The following NEGR1 variants were observed in gnomAD, a reference collection of about 807,000 sequenced individuals.
NEGR1 encodes neuronal growth regulator 1.
In NEGR1, 10 loss-of-function variants were observed where a neutral mutation model predicts 40.9. The ratio of observed to expected loss-of-function variants is 0.24; its 90% CI spans 0.15 to 0.42. The LOEUF (loss-of-function observed/expected upper bound fraction) is 0.42, where lower values mean the gene tolerates loss of function less well. Among genes scored for constraint, NEGR1 ranks in the 10% least tolerant of loss-of-function variants. The pLI, the probability that NEGR1 is intolerant of heterozygous loss-of-function variation, is 1.00. For missense variants in NEGR1, 352 were observed against 438.9 expected (o/e 0.80, Z 1.77); for synonymous variants, 185 against 166.8 (o/e 1.11, Z -0.84).
chr1:71,907,876 T>C (rs907542411), intron 2 of NEGR1, among the ~76,000 whole-genome samples: 1 of 152,140 alleles, frequency 6.6e-6, no homozygotes, highest in Non-Finnish European at 1.5e-5. Flanking sequence ...CTGGAGGCCA[T>C]TGTCCTAAGC....
chr1:71,492,147 A>G (rs1401489294), intron 6 of NEGR1, among the ~76,000 whole-genome samples: 1 of 152,110 alleles, frequency 6.6e-6, no homozygotes, highest in Non-Finnish European at 1.5e-5. Context: ...TTATTTATAA[A>G]TCACCTAGTT....
intron 1 of NEGR1, among the ~76,000 whole-genome samples, chr1:72,250,343 C>T (rs1655045509): frequency 6.6e-6 from 1 of 152,026 alleles, no homozygotes; most frequent in Admixed American, 6.6e-5. Flanking sequence ...CTACCCTTAC[C>T]TTTCTAGCAT....
At chr1:71,633,824 A>G (rs1480477923) in intron 4 of NEGR1, among the ~76,000 whole-genome samples, 1 of 152,098 alleles carries the variant, frequency 6.6e-6, no homozygotes. Context: ...AGGAAGTTGT[A>G]CAAAAGCACG....
At chr1:71,627,399 T>C (rs1405943607) in intron 4 of NEGR1, among the ~76,000 whole-genome samples, 1 of 152,076 alleles carries the variant, frequency 6.6e-6, no homozygotes, top group Non-Finnish European at 1.5e-5. Flanking sequence ...ATCGGAGTTC[T>C]AGAAAAAATT....
intron 6 of NEGR1, among the ~76,000 whole-genome samples, chr1:71,519,586 G>T (rs930375264): frequency 2.7e-5 from 3 of 110,434 alleles, no homozygotes; most frequent in African/African-American, 1.1e-4. Flanking sequence ...TGGTGGGGTT[G>T]GGGGAGGGGG....
intron 6 of NEGR1, among the ~76,000 whole-genome samples, chr1:71,567,696 T>C (rs371979520): frequency 2.0e-5 from 3 of 152,182 alleles, no homozygotes; most frequent in Non-Finnish European, 4.4e-5. Context: ...ATCAGTGCAA[T>C]ATACACTAAA....
intron 2 of NEGR1, among the ~76,000 whole-genome samples, chr1:71,896,025 T>A (rs1285794808): frequency 6.7e-6 from 1 of 148,962 alleles, no homozygotes; most frequent in East Asian, 2.0e-4. Flanking sequence ...GTCTCGATGA[T>A]AACGTTTAAC....
chr1:72,219,007 C>G (rs1051932442), intron 1 of NEGR1, among the ~76,000 whole-genome samples: 10 of 152,054 alleles, frequency 6.6e-5, no homozygotes, highest in African/African-American at 2.4e-4. Context: ...GCTTCATCTT[C>G]TCCACACAAT....
chr1:72,259,744 A>G (rs533003621), intron 1 of NEGR1, among the ~76,000 whole-genome samples: 1 of 152,218 alleles, frequency 6.6e-6, no homozygotes. Context: ...GATCCTTACA[A>G]GAGTATGAAC....
At chr1:72,266,692 C>A (rs976230774) in intron 1 of NEGR1, among the ~76,000 whole-genome samples, 3 of 140,066 alleles carry the variant, frequency 2.1e-5, no homozygotes, top group Non-Finnish European at 3.1e-5. Context: ...AAAAATGTAC[C>A]AAGTGTGTGT....
intron 6 of NEGR1, among the ~76,000 whole-genome samples, chr1:71,543,137 A>C (rs1449479454): frequency 1.3e-5 from 2 of 151,754 alleles, no homozygotes; most frequent in Admixed American, 6.6e-5. Flanking sequence ...CAGTCTTGGC[A>C]AATGGTAGGT....
At chr1:72,195,690 A>C (rs1570107252) in intron 1 of NEGR1, among the ~76,000 whole-genome samples, 1 of 151,298 alleles carries the variant, frequency 6.6e-6, no homozygotes, top group Non-Finnish European at 1.5e-5. Flanking sequence ...TTATTACTCT[A>C]TATCATATCC....
intron 4 of NEGR1, among the ~76,000 whole-genome samples, chr1:71,677,648 A>T (rs921878783): frequency 1.3e-5 from 2 of 152,122 alleles, no homozygotes; most frequent in African/African-American, 4.8e-5. Flanking sequence ...ATTTAACATA[A>T]ATTAAAATAA....
intron 6 of NEGR1, among the ~76,000 whole-genome samples, chr1:71,526,140 TAATC>T (rs1028490334): frequency 3.3e-5 from 5 of 151,536 alleles, no homozygotes; most frequent in Non-Finnish European, 7.4e-5. Context: ...ATCTGGAAAT[TAATC>T]AACTAATTAT....
chr1:72,193,999 T>A (rs1652913164), intron 1 of NEGR1, among the ~76,000 whole-genome samples: 2 of 151,752 alleles, frequency 1.3e-5, no homozygotes, highest in African/African-American at 2.4e-5. Flanking sequence ...ATTGCTGTCA[T>A]TCAATGAGCA....
intron 6 of NEGR1, among the ~76,000 whole-genome samples, chr1:71,440,073 C>T (rs1011956383): frequency 3.3e-5 from 5 of 152,138 alleles, no homozygotes; most frequent in Admixed American, 2.0e-4. Context: ...ATAGGTGTCA[C>T]ATATGATCAT....
chr1:71,973,087 T>A (rs1646271565), intron 1 of NEGR1, among the ~76,000 whole-genome samples: 1 of 152,090 alleles, frequency 6.6e-6, no homozygotes, highest in African/African-American at 2.4e-5. Flanking sequence ...GGCACTCAGT[T>A]AATATTTTAA....
chr1:71,857,844 C>A (rs1466451847), intron 2 of NEGR1, among the ~76,000 whole-genome samples: 1 of 151,908 alleles, frequency 6.6e-6, no homozygotes, highest in Non-Finnish European at 1.5e-5. Context: ...TTCTATACAA[C>A]CCTACAATTT....
intron 2 of NEGR1, among the ~76,000 whole-genome samples, chr1:71,837,727 G>T (rs779893950): frequency 6.6e-6 from 1 of 151,836 alleles, no homozygotes; most frequent in Admixed American, 6.6e-5. Context: ...CTCCCAAACC[G>T]CCATTAGCAC....
Sources: allele counts gnomAD v4.1 joint callset (sites outside exome capture counted in the v4.1 genomes callset), GRCh38; gene constraint gnomAD v4.1.1; transcripts MANE v1.5; gene names NCBI Gene and HGNC (gene_info 2026-07-23, HGNC 2026-07-21).